PTCD1: variants seen among roughly 807,000 people sequenced by gnomAD.
The protein encoded by PTCD1 is pentatricopeptide repeat-containing protein 1, mitochondrial.
Under a neutral mutation model 53.4 loss-of-function variants are expected in PTCD1, and 50 were observed. The ratio of observed to expected loss-of-function variants is 0.94; its 90% CI spans 0.75 to 1.19. The LOEUF is 1.19. Ranked by LOEUF, PTCD1 falls within the 50% of genes most tolerant of loss-of-function variation. The pLI, the probability that PTCD1 is intolerant of heterozygous loss-of-function variation, is 0.00. For missense variants in PTCD1, 918 were observed against 904.8 expected (o/e 1.01, Z -0.19); for synonymous variants, 413 against 394.8 (o/e 1.05, Z -0.55).
intron 1 of PTCD1, 21 bp from the exon 2 acceptor site, chr7:99,435,289 T>C: frequency 6.3e-7 from 1 of 1,599,240 alleles, no homozygotes; most frequent in Non-Finnish European, 8.5e-7. Flanking sequence ...TCAGGAAAAA[T>C]AAGAGAGTCA....
At chr7:99,420,286 A>T in intron 7 of PTCD1, 137 bp from the exon 8 acceptor site, 1 of 1,280,740 alleles carries the variant, frequency 7.8e-7, no homozygotes, top group East Asian at 2.4e-5. Flanking sequence ...CAGGGCAGAA[A>T]AGCTGTGAAC....
intron 1 of PTCD1, 59 bp downstream of exon 1, chr7:99,438,633 C>G: frequency 8.2e-7 from 1 of 1,213,996 alleles, no homozygotes; most frequent in Non-Finnish European, 1.0e-6. Flanking sequence ...ACTTCCTTCC[C>G]CTCTGGCGTG....
In PTCD1 at chr7:99,423,872, CTGA is replaced by C; in HGVS notation, c.1820_1822del (p.Ile607del). On this transcript the variant is annotated inframe_deletion, in exon 7 of 8. Transcript: ENST00000292478. ...GTTCTGCTTCATGTCCTTCAAGATG[CTGA>C]TGAGATAGGTGTAGTTCAGCTTCCT... 1 of 1,614,184 alleles carries C rather than the reference CTGA, an allele frequency of 6.2e-7. No homozygotes were observed. Among genetic ancestry groups the C allele is most frequent in the Non-Finnish European group, 8.5e-7 (1 of 1,180,042 alleles).
chr7:99,420,418 G>A (rs982803715), intron 7 of PTCD1, among the ~76,000 whole-genome samples: 7 of 152,068 alleles, frequency 4.6e-5, no homozygotes, highest in Non-Finnish European at 1.0e-4. Flanking sequence ...TCCTCCATCC[G>A]CAGTTGCCAC....
rs2150948885 is a variant in PTCD1, at chr7:99,423,999, A to G, written c.1738-42T>C. On this transcript the variant is annotated intron_variant, in intron 6 of 7. Transcript: ENST00000292478. Reference sequence around the variant, plus strand: ...TCGTAGAATCAAGATGATGGCAGCCATTGGGACCCAGCAGCTCCCACCCTC... The same window carrying G: ...TCGTAGAATCAAGATGATGGCAGCCGTTGGGACCCAGCAGCTCCCACCCTC... The G allele has an allele frequency of 2.5e-6, 4 of 1,602,692 alleles. No homozygotes were observed. In the East Asian group the frequency reaches 9.0e-5, roughly 36 times the overall value.
intron 7 of PTCD1, 124 bp from the exon 8 acceptor site, chr7:99,420,273 G>A: frequency 7.3e-7 from 1 of 1,376,480 alleles, no homozygotes; most frequent in Non-Finnish European, 1.0e-6. Flanking sequence ...TGGCTGCAGA[G>A]GACAGGGCAG....
chr7:99,420,723 G>A (rs978959658), intron 7 of PTCD1, among the ~76,000 whole-genome samples: 9 of 152,194 alleles, frequency 5.9e-5, no homozygotes, highest in Non-Finnish European at 7.3e-5. Flanking sequence ...TTGAGAGGCC[G>A]AGGTGGGCAG....
In PTCD1 at chr7:99,425,673, G is replaced by A. The variant is rs539866232; in HGVS notation, c.916-57C>T. On this transcript the variant is annotated intron_variant, in intron 5 of 7. Transcript: ENST00000292478. ...GCTCCCATTCAGCAGCTGGGCGCAG[G>A]GCTCACGCCTGGAATCCCAGCACCT... 2.2e-5 allele frequency: 34 copies of A among 1,556,634 alleles called. No individual in the cohort carries two copies. The African/African-American group carries it at 4.5e-4, about 21-fold the overall frequency.
At position 99,417,418 on chromosome 7, in the gene PTCD1, C is replaced by T. The variant is rs781370378; in HGVS notation, c.*2549G>A. 2 of 1,613,576 alleles carry T rather than the reference C, an allele frequency of 1.2e-6. No individual in the cohort carries two copies. Among genetic ancestry groups the T allele is most frequent in the Non-Finnish European group, 1.7e-6 (2 of 1,179,594 alleles). ...CCATGGCCTGATGCTCTTTCCCCAT[C>T]TTTTTGACAGAACTCTATGAATATT... On this transcript the variant is annotated 3_prime_UTR_variant, in exon 8 of 8. Coordinates refer to ENST00000292478, the MANE Select transcript of PTCD1 (RefSeq NM_015545.4).
chr7:99,421,681 G>A (rs1430175841), intron 7 of PTCD1, among the ~76,000 whole-genome samples: 2 of 151,882 alleles, frequency 1.3e-5, no homozygotes, highest in Non-Finnish European at 2.9e-5. Context: ...CTTGAACCTG[G>A]GCGGCAGAGG....
chr7:99,437,797 T>A (rs1796545382), intron 1 of PTCD1, among the ~76,000 whole-genome samples: 1 of 152,100 alleles, frequency 6.6e-6, no homozygotes, highest in Admixed American at 6.6e-5. Flanking sequence ...CCCAAGTAGC[T>A]GGGATTACAG....
intron 5 of PTCD1, among the ~76,000 whole-genome samples, chr7:99,426,187 C>A (rs1796012501): frequency 8.7e-6 from 1 of 115,206 alleles, no homozygotes; most frequent in Non-Finnish European, 1.5e-5. Flanking sequence ...CTCCCTCTCC[C>A]TCTCCCCACG....
chr7:99,419,929 C>A lies in PTCD1; in HGVS notation c.*38G>T, dbSNP rs1341594430. 2 of 1,613,340 alleles carry A rather than the reference C, an allele frequency of 1.2e-6. No homozygotes were observed. The highest frequency in any genetic ancestry group is 3.3e-5 in the Admixed American group (2 of 60,026). On this transcript the variant is annotated 3_prime_UTR_variant, in exon 8 of 8. Coordinates refer to ENST00000292478, the MANE Select transcript of PTCD1 (RefSeq NM_015545.4). ...CACTTGTCCTGGGGCTCCCACAGAG[C>A]ACTGGGGGCCGAGCACATTGTTCCA...
intron 1 of PTCD1, among the ~76,000 whole-genome samples, chr7:99,437,976 G>A (rs186056302): frequency 6.6e-6 from 1 of 152,228 alleles, no homozygotes; most frequent in African/African-American, 2.4e-5. Context: ...TGCACAAACT[G>A]TTATCTGGAA....
At chr7:99,424,076 T>C (rs762718029) in intron 6 of PTCD1, 119 bp from the exon 7 acceptor site, 28 of 1,399,442 alleles carry the variant, frequency 2.0e-5, no homozygotes, top group Non-Finnish European at 2.7e-5. Flanking sequence ...CAAGGCAAAC[T>C]TGGCAGCAAC....
At position 99,417,430 on chromosome 7, in the gene PTCD1, A is replaced by G. The variant is rs1423047819; in HGVS notation, c.*2537T>C. ...GCTCTTTCCCCATCTTTTTGACAGA[A>G]CTCTATGAATATTGTATTAAAGAAG... On this transcript the variant is annotated 3_prime_UTR_variant, in exon 8 of 8. Transcript: ENST00000292478. The G allele has an allele frequency of 6.2e-7, 1 of 1,613,622 alleles. No homozygotes were observed. The highest frequency in any genetic ancestry group is 2.2e-5 in the East Asian group (1 of 44,884).
intron 2 of PTCD1, among the ~76,000 whole-genome samples, chr7:99,434,507 CTT>C (rs769483583): frequency 3.6e-5 from 5 of 140,228 alleles, no homozygotes; most frequent in East Asian, 2.0e-4. Context: ...TTTCTTTTTC[CTT>C]TTTTTTTTTT....
rs536389004 is a variant in PTCD1 at position 99,419,309 on chromosome 7, C to T, written c.*658G>A. 5.4e-5 allele frequency: 82 copies of T among 1,531,768 alleles called. No homozygotes were observed. The highest frequency in any genetic ancestry group is 4.7e-4 in the East Asian group (21 of 44,430). The allele number at this position is 1,531,768 out of a possible 1,614,324, so 94.9% of individuals were successfully genotyped here. A position where few individuals can be genotyped will look rare whatever the true frequency, so the allele number is the denominator to read the frequency against. ...CTATATGGCATGGTGGCAGGTCCTT[C>T]GTGGGAGGGTTGCCACATATGTGAG... On this transcript the variant is annotated 3_prime_UTR_variant, in exon 8 of 8. Coordinates refer to ENST00000292478, the MANE Select transcript of PTCD1 (RefSeq NM_015545.4).
In PTCD1 at chr7:99,435,087, C is replaced by CT. The variant is rs745488238; in HGVS notation, c.155dup (p.Leu53AlafsTer17). 5 of 1,609,624 alleles carry CT rather than the reference C, an allele frequency of 3.1e-6. No individual in the cohort carries two copies. The Admixed American group carries it at 8.3e-5, about 27-fold the overall frequency. On this transcript the variant is annotated frameshift_variant, in exon 2 of 8. Coordinates refer to ENST00000292478, the MANE Select transcript of PTCD1 (RefSeq NM_015545.4). LOFTEE classifies it high-confidence loss of function. ...CCTGACGCTCCTGGCCGAGGGGCAG[C>CT]TGAGAGGAGGAGCTGCTGAAGGGCG...
Sources: allele counts gnomAD v4.1 joint callset (sites outside exome capture counted in the v4.1 genomes callset), GRCh38; gene constraint gnomAD v4.1.1; transcripts MANE v1.5; gene names NCBI Gene and HGNC (gene_info 2026-07-23, HGNC 2026-07-21).